The following NLRC5 variants were observed in gnomAD, a reference collection of about 807,000 sequenced individuals.
NLRC5 encodes protein NLRC5.
NLRC5 carries 114 observed loss-of-function variants against 206.9 expected under a neutral mutation model. That is an observed-to-expected ratio of 0.55 (90% CI 0.47 to 0.64). The LOEUF is 0.64. Among genes scored for constraint, NLRC5 ranks in the 30% least tolerant of loss-of-function variants. The pLI is 0.00. For missense variants in NLRC5, 2,008 were observed against 2,305.5 expected, an observed-to-expected ratio of 0.87 and a Z score of 2.64; for synonymous variants, 952 against 962.8, an observed-to-expected ratio of 0.99 and a Z score of 0.21.
At chr16:56,991,678 CTTTTTTT>C (rs35559322) in intron 1 of NLRC5, among the ~76,000 whole-genome samples, 2 of 105,648 alleles carry the variant, frequency 1.9e-5, no homozygotes, top group African/African-American at 7.5e-5. Flanking sequence ...GCCCGGACTC[CTTTTTTT>C]TTTTTTTTTT....
chr16:57,041,219 C>T, intron 17 of NLRC5: 1 of 485,238 alleles, frequency 2.1e-6, no homozygotes. Flanking sequence ...ATCTGTCTTC[C>T]TCTGATCTGC....
rs1567632889 is a variant in NLRC5, at chr16:57,066,626, C to A, written c.4322+12C>A. 6.2e-7 allele frequency: 1 copy of A among 1,611,240 alleles called. No individual in the cohort carries two copies. Among genetic ancestry groups the A allele is most frequent in the South Asian group, 1.1e-5 (1 of 91,024 alleles). ...GCTGTGGCACTCAGGTGGGACCCAG[C>A]ACCAGGGACCCCAAGGCAGGGGCTG... is the stretch of plus-strand genomic sequence containing the variant. On this transcript the variant is annotated intron_variant, in intron 34 of 48. Coordinates refer to ENST00000688547, the MANE Select transcript of NLRC5 (RefSeq NM_001384950.1).
chr16:57,048,008 A>C, intron 23 of NLRC5: 4 of 214,622 alleles, frequency 1.9e-5, no homozygotes, highest in East Asian at 1.1e-4. Flanking sequence ...AGGCACCCCC[A>C]CTCTCCTTGG....
Position 57,054,836 on chromosome 16 carries a change from C to T in NLRC5, c.3592C>T (p.Leu1198Phe). Residue 1198 changes from leucine (L) to phenylalanine (F), a missense_variant, in exon 25 of 49, where the codon CTC (leucine) becomes TTC (phenylalanine). Transcript: ENST00000688547. ...GTGTCCACGGGTTAAAAAGGTGGAT[C>T]TCAGGTGGGCATTCCCCTGGGACAG... ...SLCPRVKKVDLRSLHHATLHF... is the reference protein window; with the variant it reads ...SLCPRVKKVDFRSLHHATLHF... The T allele has an allele frequency of 6.2e-7, 1 of 1,614,134 alleles. No individual in the cohort carries two copies. The highest frequency in any genetic ancestry group is 8.5e-7 in the Non-Finnish European group (1 of 1,179,938).
At chr16:57,058,401 C>A in intron 28 of NLRC5, 1 of 520,152 alleles carries the variant, frequency 1.9e-6, no homozygotes, top group South Asian at 2.3e-5. Context: ...GGTGACACAC[C>A]CCTACAGCCA....
At chr16:57,068,356 G>A (rs748058478) in intron 36 of NLRC5, among the ~76,000 whole-genome samples, 12 of 151,872 alleles carry the variant, frequency 7.9e-5, no homozygotes, top group Admixed American at 4.6e-4. Context: ...GCTTGAACCC[G>A]GGAGGCTGAG....
chr16:57,033,488 G>C, intron 11 of NLRC5, 116 bp from the exon 12 acceptor site: 2 of 895,314 alleles, frequency 2.2e-6, no homozygotes, highest in Non-Finnish European at 3.7e-6. Context: ...CTTTGTTACC[G>C]ACTCACTTTG....
At chr16:57,023,068 C>T (rs1032621446) in intron 4 of NLRC5, among the ~76,000 whole-genome samples, 2 of 152,204 alleles carry the variant, frequency 1.3e-5, no homozygotes, top group African/African-American at 4.8e-5. Flanking sequence ...GAACTGGTTC[C>T]AGCCTCCTAG....
chr16:57,069,226 G>A (rs550608491), intron 36 of NLRC5, among the ~76,000 whole-genome samples: 1 of 152,252 alleles, frequency 6.6e-6, no homozygotes, highest in South Asian at 2.1e-4. Flanking sequence ...TACTTAAATC[G>A]ATGAATCAGC....
Position 57,079,528 on chromosome 16 carries a change from G to T in NLRC5, c.5238-18G>T. 6.2e-7 allele frequency: 1 copy of T among 1,610,296 alleles called. No homozygotes were observed. Among genetic ancestry groups the T allele is most frequent in the Admixed American group, 1.7e-5 (1 of 60,022 alleles). On this transcript the variant is annotated intron_variant, in intron 45 of 48. Transcript: ENST00000688547. ...TCAAACAACCCCCATCCCATCCCAT[G>T]CCCTTCTCCATCCCCAGCCTGGTTT... is the stretch of plus-strand genomic sequence containing the variant.
intron 38 of NLRC5, among the ~76,000 whole-genome samples, chr16:57,071,924 G>A (rs771766084): frequency 5.3e-5 from 8 of 151,936 alleles, no homozygotes; most frequent in Non-Finnish European, 7.4e-5. Context: ...AACACAAACC[G>A]CCATGTTTCT....
chr16:57,081,213 C>A, intron 47 of NLRC5, 32 bp downstream of exon 47: 1 of 1,528,410 alleles, frequency 6.5e-7, no homozygotes, highest in Non-Finnish European at 8.8e-7. Flanking sequence ...ATGGGACGGG[C>A]TAAAGGGGGA....
chr16:57,000,810 A>G (rs1176197910), intron 1 of NLRC5, among the ~76,000 whole-genome samples: 1 of 152,174 alleles, frequency 6.6e-6, no homozygotes, highest in Non-Finnish European at 1.5e-5. Flanking sequence ...CGGGGGAGGA[A>G]ATGGCCACTA....
rs2056792130 is a variant in NLRC5 at position 56,991,242 on chromosome 16, T to C, written c.-128+1625T>C. The C allele has an allele frequency of 2.0e-5, 3 of 152,132 alleles. No homozygotes were observed. The South Asian group carries it at 6.2e-4, about 32-fold the overall frequency. The allele number at this position is 152,132 out of a possible 1,614,324, so 9.4% of individuals were successfully genotyped here. A position where few individuals can be genotyped will look rare whatever the true frequency, so the allele number is the denominator to read the frequency against. ...GGAAGAGTTTCACAATATGCTGAACTTTATTCCTGGATCAGATACAGAGCT... is the reference window on the plus strand; with the variant it reads ...GGAAGAGTTTCACAATATGCTGAACCTTATTCCTGGATCAGATACAGAGCT... On this transcript the variant is annotated intron_variant, in intron 1 of 48. Transcript: ENST00000688547.
intron 24 of NLRC5, among the ~76,000 whole-genome samples, chr16:57,054,185 G>A (rs1441201203): frequency 6.6e-6 from 1 of 152,140 alleles, no homozygotes; most frequent in Non-Finnish European, 1.5e-5. Flanking sequence ...CATGACTGCG[G>A]GTGAGGGGTG....
At chr16:57,009,541 T>C (rs1177177759) in intron 1 of NLRC5, among the ~76,000 whole-genome samples, 4 of 150,606 alleles carry the variant, frequency 2.7e-5, no homozygotes, top group African/African-American at 9.8e-5. Context: ...TGCAGTGAGC[T>C]GAGATCACGC....
chr16:57,059,132 A>T lies in NLRC5; in HGVS notation c.3920+71A>T, dbSNP rs2066074450. 3 of 1,611,230 alleles carry T rather than the reference A, an allele frequency of 1.9e-6. No homozygotes were observed. In the South Asian group the frequency reaches 3.3e-5, roughly 18 times the overall value. ...AGGTGCCCCTGGCTGATGATGGGAG[A>T]AGCAAGGCACCCACACTTTGTGGCC... On this transcript the variant is annotated intron_variant, in intron 29 of 48. Coordinates refer to ENST00000688547, the MANE Select transcript of NLRC5 (RefSeq NM_001384950.1).
intron 6 of NLRC5, 112 bp from the exon 7 acceptor site, chr16:57,027,960 T>C: frequency 1.7e-6 from 1 of 603,268 alleles, no homozygotes; most frequent in Non-Finnish European, 2.9e-6. Flanking sequence ...TCGGCCATAA[T>C]ATGTATTTGT....
chr16:57,038,871 GT>G (rs2062930056), intron 15 of NLRC5, among the ~76,000 whole-genome samples: 1 of 150,926 alleles, frequency 6.6e-6, no homozygotes, highest in East Asian at 2.0e-4. Flanking sequence ...GGAGGCGGAG[GT>G]TGCAGTGAGC....
Sources: gnomAD v4.1 joint callset for allele counts (sites outside exome capture counted in the v4.1 genomes callset) on GRCh38, gnomAD v4.1.1 for gene constraint, MANE v1.5 for transcripts, NCBI Gene and HGNC (gene_info 2026-07-23, HGNC 2026-07-21) for gene names.